The following PLCH2 variants were observed in gnomAD, a reference collection of about 807,000 sequenced individuals.
PLCH2 encodes the protein 1-phosphatidylinositol 4,5-bisphosphate phosphodiesterase eta-2.
Under a neutral mutation model 134.7 loss-of-function variants are expected in PLCH2, and 98 were observed. The ratio of observed to expected loss-of-function variants is 0.73; its 90% CI spans 0.62 to 0.86. The LOEUF (loss-of-function observed/expected upper bound fraction) is 0.86. Among genes scored for constraint, PLCH2 ranks in the 40% least tolerant of loss-of-function variants. PLCH2 has a pLI of 0.00. For synonymous variants in PLCH2, 974 were observed against 827.5 expected, an observed-to-expected ratio of 1.18 and a Z score of -3.04; for missense variants, 1,994 against 1,986.6, an observed-to-expected ratio of 1.00 and a Z score of -0.07.
At chr1:2,454,429 A>G (rs1356143454) in intron 2 of PLCH2, among the ~76,000 whole-genome samples, 3 of 152,180 alleles carry the variant, frequency 2.0e-5, no homozygotes, top group Non-Finnish European at 4.4e-5. Context: ...ACCACGTGAC[A>G]TGCTTGATGT....
chr1:2,462,394 G>T (rs115072175), intron 2 of PLCH2, among the ~76,000 whole-genome samples: 11,575 of 62,154 alleles, frequency 0.19, 702 homozygotes, highest in East Asian at 0.34. Flanking sequence ...CACCCCCTCC[G>T]CCTGACACCC....
chr1:2,432,759 G>A (rs957613290), intron 2 of PLCH2, among the ~76,000 whole-genome samples: 12 of 152,186 alleles, frequency 7.9e-5, no homozygotes, highest in South Asian at 2.1e-4. Context: ...AGAGCCCGCC[G>A]TGCAGGCTTG....
At position 2,494,930 on chromosome 1, in the gene PLCH2, A is replaced by C. The variant is rs1477485829; in HGVS notation, c.1734A>C (p.Gly578=). The change falls in exon 12 of 22, where the codon GGA becomes GGC. Residue 578 remains glycine (G), a synonymous_variant. Transcript: ENST00000378486. ...GACGCAATGGCCGCCTCGTCGTGGG[A>C]AGCTTCTCCAGGCGCAAGGTCCGGC... ...ASRRNGRLVV[G]SFSRRKKKGS... 6.3e-7 allele frequency: 1 copy of C among 1,597,532 alleles called. No individual in the cohort carries two copies. The highest frequency in any genetic ancestry group is 1.3e-5 in the African/African-American group (1 of 74,744).
chr1:2,503,860 G>T (rs1269854217), intron 21 of PLCH2, 62 bp from the exon 22 acceptor site: 3 of 660,184 alleles, frequency 4.5e-6, no homozygotes, highest in Non-Finnish European at 5.5e-6. Flanking sequence ...CTCTCTCCCT[G>T]CCTCCCTCTC....
At chr1:2,445,234 C>A (rs1207997311) in intron 2 of PLCH2, among the ~76,000 whole-genome samples, 1 of 152,090 alleles carries the variant, frequency 6.6e-6, no homozygotes, top group African/African-American at 2.4e-5. Context: ...TGCTGAGGGT[C>A]CCCACAGGCC....
rs1643392784 is a variant in PLCH2 at position 2,504,101 on chromosome 1, G to A, written c.3139G>A (p.Asp1047Asn). The change falls in exon 22 of 22, where the codon GAC (aspartate) becomes AAC (asparagine). Residue 1047 changes from aspartate (D) to asparagine (N), a missense_variant. Around this residue, in one of 2 missense-constraint regions of PLCH2, gnomAD observed 900 missense variants for 752.3 expected, o/e 1.20. Coordinates refer to ENST00000378486, the MANE Select transcript of PLCH2 (RefSeq NM_014638.4). ...PGANVASPLE[D>N]TEEPRDSRPR... is the part of the protein sequence containing the mutation. ...AGCCAATGTGGCAAGCCCCCTAGAG[G>A]ACACTGAGGAGCCCCGAGACAGCAG... 4.6e-6 allele frequency: 7 copies of A among 1,531,124 alleles called. No individual in the cohort carries two copies. Among genetic ancestry groups the A allele is most frequent in the Non-Finnish European group, 5.3e-6 (6 of 1,139,200 alleles). The allele number at this position is 1,531,124 out of a possible 1,614,324, so 94.8% of individuals were successfully genotyped here.
In PLCH2 at chr1:2,450,790, GCGTTCAAGGCCAAGCA is replaced by G. The variant is rs1246962248; in HGVS notation, c.115+20165_115+20180del. 5.2e-5 allele frequency among the ~76,000 whole-genome samples: 7 copies of G among 135,408 alleles called. No homozygotes were observed. In the Admixed American group the frequency reaches 5.3e-4, roughly 10 times the overall value. 88.8% of individuals were successfully genotyped at this position (135,408 alleles called of 152,430 possible). A position where few individuals can be genotyped will look rare whatever the true frequency, so the allele number is the denominator to read the frequency against. On this transcript the variant is annotated intron_variant, in intron 2 of 3. Transcript: ENST00000609981. ...CAGGTTCCAGACCCTTGGACCAGGC[GCGTTCAAGGCCAAGCA>G]CGTGGGACCCCAGCCTGGGCTCAAA...
In PLCH2 at chr1:2,498,276, C is replaced by A; in HGVS notation, c.2225-247C>A. On this transcript the variant is annotated intron_variant, in intron 16 of 21. Coordinates refer to ENST00000378486, the MANE Select transcript of PLCH2 (RefSeq NM_014638.4). This position sits in a 1 kb window ranked among gnomAD's most constrained non-coding sequence, Gnocchi z 5.4. The stretch of plus-strand genomic sequence containing the variant: ...AGACCCACCCCCAGAAGCCATGTGA[C>A]CTCCTCGGCTCAGCTGTGGGAGGCA... The A allele has an allele frequency of 2.0e-6, 1 of 490,094 alleles. No individual in the cohort carries two copies. Among genetic ancestry groups the A allele is most frequent in the Non-Finnish European group, 3.6e-6 (1 of 275,514 alleles). 30.4% of individuals were successfully genotyped at this position (490,094 alleles called of 1,614,324 possible).
intron 15 of PLCH2, 41 bp from the exon 16 acceptor site, chr1:2,497,461 G>A (rs1270381671): frequency 1.4e-6 from 2 of 1,404,006 alleles, no homozygotes; most frequent in Non-Finnish European, 9.8e-7. Context: ...ACACCTGGAA[G>A]GTCAGGTGCT....
intron 2 of PLCH2, among the ~76,000 whole-genome samples, chr1:2,437,459 CA>C (rs78212635): frequency 0.17 from 25,576 of 151,964 alleles, 2,880 homozygotes; most frequent in East Asian, 0.59. Flanking sequence ...CCCTGCTGGG[CA>C]AATAGCACCC....
rs1639572115 is a variant in PLCH2 at position 2,439,142 on chromosome 1, C to T, written c.115+8513C>T. 6.6e-6 allele frequency among the ~76,000 whole-genome samples: 1 copy of T among 152,222 alleles called. No homozygotes were observed. The highest frequency in any genetic ancestry group is 6.5e-5 in the Admixed American group (1 of 15,282). On this transcript the variant is annotated intron_variant, in intron 2 of 3. Coordinates refer to the PLCH2 transcript ENST00000609981. This position sits in a 1 kb window ranked among gnomAD's most constrained non-coding sequence, Gnocchi z 4.7. Reference sequence around the variant, plus strand: ...ATACCATGTCTCTGGGGACCCTGGGCAGGTGCCTTTCTCTCTTTGTGCCTC... The same window carrying T: ...ATACCATGTCTCTGGGGACCCTGGGTAGGTGCCTTTCTCTCTTTGTGCCTC...
At chr1:2,446,498 A>G (rs1639947603) in intron 2 of PLCH2, among the ~76,000 whole-genome samples, 1 of 152,202 alleles carries the variant, frequency 6.6e-6, no homozygotes, top group South Asian at 2.1e-4. Context: ...CAGGGGTCCC[A>G]GGAGGCGGGG....
chr1:2,418,513 G>A, the PLCH2 span, among the ~76,000 whole-genome samples: 4 of 152,354 alleles, frequency 2.6e-5, no homozygotes, highest in South Asian at 2.1e-4. Flanking sequence ...TGCCTCCCTC[G>A]GACGGCTGAA....
At chr1:2,470,211 T>A (rs942818) in intron 1 of PLCH2, among the ~76,000 whole-genome samples, 1 of 152,212 alleles carries the variant, frequency 6.6e-6, no homozygotes, top group African/African-American at 2.4e-5. Context: ...GACTTTCAGG[T>A]CCCTGTTGTG....
chr1:2,433,379 G>A (rs866576209), intron 2 of PLCH2, among the ~76,000 whole-genome samples: 2 of 152,214 alleles, frequency 1.3e-5, no homozygotes, highest in Non-Finnish European at 2.9e-5. Flanking sequence ...CTACTTGGCC[G>A]GGGGCTGCTG....
intron 1 of PLCH2, among the ~76,000 whole-genome samples, chr1:2,427,506 G>T (rs575429373): frequency 6.6e-6 from 1 of 152,340 alleles, no homozygotes; most frequent in African/African-American, 2.4e-5. Flanking sequence ...GGGAGAGGGA[G>T]CCCCTCTGTG....
Position 2,498,779 on chromosome 1 carries a change from G to A in PLCH2, c.2385G>A (p.Gly795=). 1 of 1,611,428 alleles carries A rather than the reference G, an allele frequency of 6.2e-7. No individual in the cohort carries two copies. The highest frequency in any genetic ancestry group is 8.5e-7 in the Non-Finnish European group (1 of 1,179,160). The part of the protein sequence containing the change: ...IDPFVEVEII[G]LPVDCSREQT... ...CCTTTGTGGAGGTGGAGATCATTGG[G>A]CTCCCTGTGGACTGCAGCAGGGAGC... The change falls in exon 18 of 22, where the codon GGG becomes GGA. Residue 795 remains glycine, a synonymous_variant. Transcript: ENST00000378486. The surrounding 1 kb of genome is among the most constrained non-coding windows in gnomAD (Gnocchi z 5.4).
intron 16 of PLCH2, 198 bp downstream of exon 16, chr1:2,497,807 T>A: frequency 1.9e-6 from 1 of 532,502 alleles, no homozygotes; most frequent in East Asian, 2.9e-5. Context: ...TTGCTAGCGT[T>A]GCAAAGAAGG....
At chr1:2,420,441 G>A in the PLCH2 span, among the ~76,000 whole-genome samples, 1 of 152,182 alleles carries the variant, frequency 6.6e-6, no homozygotes, top group Non-Finnish European at 1.5e-5. Flanking sequence ...GCGGGGTTGC[G>A]GATCCACAGT....
Sources: allele counts gnomAD v4.1 joint callset (sites outside exome capture counted in the v4.1 genomes callset), GRCh38; gene constraint gnomAD v4.1.1; regional missense constraint gnomAD v4.1.1; non-coding constraint Gnocchi (gnomAD v3.1); transcripts MANE v1.5; gene names NCBI Gene and HGNC (gene_info 2026-07-23, HGNC 2026-07-21).